The following LINGO2 variants were observed in gnomAD, a reference collection of about 807,000 sequenced individuals.
LINGO2 encodes the protein leucine-rich repeat and immunoglobulin-like domain-containing nogo receptor-interacting protein 2.
In LINGO2, 14 loss-of-function variants were observed where a neutral mutation model predicts 30.6. The ratio of observed to expected loss-of-function variants is 0.46; its 90% CI spans 0.30 to 0.72. The LOEUF is 0.72. Ranked by LOEUF, LINGO2 falls within the 30% of genes least tolerant of loss-of-function variation. LINGO2 has a pLI of 0.07. For synonymous variants in LINGO2, 317 were observed against 288.5 expected, an observed-to-expected ratio of 1.10 and a Z score of -1.00; for missense variants, 729 against 751.7, an observed-to-expected ratio of 0.97 and a Z score of 0.35.
chr9:28,587,245 T>G (rs952159695), intron 1 of LINGO2, among the ~76,000 whole-genome samples: 2 of 152,042 alleles, frequency 1.3e-5, no homozygotes, highest in African/African-American at 4.8e-5. Flanking sequence ...AGTTCTGCTG[T>G]GCTAACTCAG....
the LINGO2 span, among the ~76,000 whole-genome samples, chr9:28,824,967 T>C: frequency 6.6e-6 from 1 of 152,202 alleles, no homozygotes; most frequent in African/African-American, 2.4e-5. Flanking sequence ...GTTATGAGGG[T>C]GAATGAGAGA....
the LINGO2 span, among the ~76,000 whole-genome samples, chr9:29,162,897 C>A: frequency 2.0e-5 from 3 of 152,090 alleles, no homozygotes; most frequent in African/African-American, 2.4e-5. Context: ...TTTCACTGCA[C>A]CTTGGGTTTC....
chr9:29,038,642 A>G, the LINGO2 span, among the ~76,000 whole-genome samples: 1 of 149,176 alleles, frequency 6.7e-6, no homozygotes, highest in South Asian at 2.1e-4. Context: ...CAATGGCACA[A>G]GAGAATTAAT....
chr9:29,207,408 T>C, the LINGO2 span, among the ~76,000 whole-genome samples: 2 of 152,070 alleles, frequency 1.3e-5, no homozygotes, highest in Admixed American at 6.5e-5. Context: ...AGTTACATTA[T>C]AATAGAATGA....
chr9:28,553,931 T>C (rs909298822), intron 1 of LINGO2, among the ~76,000 whole-genome samples: 1 of 151,928 alleles, frequency 6.6e-6, no homozygotes, highest in Non-Finnish European at 1.5e-5. Flanking sequence ...TAAAATACTT[T>C]ACAGACAAGC....
the LINGO2 span, among the ~76,000 whole-genome samples, chr9:28,755,243 A>G: frequency 1.4e-4 from 22 of 152,070 alleles, no homozygotes; most frequent in African/African-American, 5.1e-4. Context: ...TACAAATAAA[A>G]CAAATTATTA....
At chr9:28,883,628 G>GTGTGTATGTGTATA in the LINGO2 span, among the ~76,000 whole-genome samples, 10 of 64,180 alleles carry the variant, frequency 1.6e-4, no homozygotes, top group South Asian at 6.4e-4. Flanking sequence ...ATGTGTGTGT[G>GTGTGTATGTGTATA]TATATATATA....
At chr9:28,474,403 A>G (rs937557433) in intron 2 of LINGO2, among the ~76,000 whole-genome samples, 20 of 43,406 alleles carry the variant, frequency 4.6e-4, no homozygotes, top group African/African-American at 1.1e-3. Flanking sequence ...AAGAAAAAAG[A>G]AGAGACATAA....
the LINGO2 span, among the ~76,000 whole-genome samples, chr9:29,008,057 C>G: frequency 3.3e-5 from 5 of 152,044 alleles, no homozygotes; most frequent in Non-Finnish European, 7.3e-5. Flanking sequence ...GGTATATCTC[C>G]TAATGCTATC....
chr9:28,397,827 G>A (rs529142049), intron 2 of LINGO2, among the ~76,000 whole-genome samples: 10 of 152,110 alleles, frequency 6.6e-5, no homozygotes, highest in African/African-American at 1.2e-4. Flanking sequence ...GATTACAGGC[G>A]TGAGCCACCA....
In LINGO2 at chr9:28,129,892, T is replaced by C. The variant is rs1178756788; in HGVS notation, c.-86-117487A>G. Reference sequence around the variant, plus strand: ...TGCATAGAAAAAATATGTTGTTCTTTTTATAGAATGAGAAATAACTAAGAT... The same window carrying C: ...TGCATAGAAAAAATATGTTGTTCTTCTTATAGAATGAGAAATAACTAAGAT... On this transcript the variant is annotated intron_variant, in intron 4 of 5. Coordinates refer to ENST00000379992, the Ensembl canonical transcript of LINGO2. This position sits in a 1 kb window ranked among gnomAD's most constrained non-coding sequence, Gnocchi z 4.0. Among the ~76,000 whole-genome samples the C allele has an allele frequency of 1.3e-5, 2 of 152,252 alleles. No individual in the cohort carries two copies. Among genetic ancestry groups the C allele is most frequent in the Admixed American group, 1.3e-4 (2 of 15,284 alleles).
intron 4 of LINGO2, among the ~76,000 whole-genome samples, chr9:28,253,616 C>G (rs1444603522): frequency 1.3e-5 from 2 of 152,060 alleles, no homozygotes; most frequent in Non-Finnish European, 2.9e-5. Flanking sequence ...AGTCTTTTCT[C>G]AGATTTGAAT....
chr9:29,038,449 G>GT, the LINGO2 span, among the ~76,000 whole-genome samples: 1 of 151,972 alleles, frequency 6.6e-6, no homozygotes, highest in East Asian at 1.9e-4. Context: ...TAATGACTGA[G>GT]TAAGTTTCCA....
At chr9:28,204,151 G>T (rs1207342511) in intron 4 of LINGO2, among the ~76,000 whole-genome samples, 1 of 152,144 alleles carries the variant, frequency 6.6e-6, no homozygotes, top group Admixed American at 6.5e-5. Context: ...TTGTCACTCA[G>T]TTGTAGTTTT....
intron 1 of LINGO2, among the ~76,000 whole-genome samples, chr9:28,619,283 T>C (rs1267618879): frequency 3.9e-5 from 6 of 152,154 alleles, no homozygotes; most frequent in East Asian, 1.9e-4. Flanking sequence ...AAGACTACCA[T>C]ATTTAACTTT....
intron 4 of LINGO2, among the ~76,000 whole-genome samples, chr9:28,271,782 A>G (rs1210538097): frequency 6.6e-6 from 1 of 152,198 alleles, no homozygotes; most frequent in Non-Finnish European, 1.5e-5. Flanking sequence ...GACATCTCCA[A>G]AAATAGCCTC....
intron 1 of LINGO2, among the ~76,000 whole-genome samples, chr9:28,611,617 T>C (rs1157837968): frequency 2.6e-5 from 4 of 152,128 alleles, no homozygotes; most frequent in Non-Finnish European, 4.4e-5. Context: ...TTAGATTTCA[T>C]ATATAAGTAG....
chr9:28,794,682 T>C, the LINGO2 span, among the ~76,000 whole-genome samples: 2 of 152,192 alleles, frequency 1.3e-5, no homozygotes, highest in African/African-American at 4.8e-5. Context: ...GAAGTGTAAT[T>C]AGAAAACTCT....
At chr9:28,900,279 G>A in the LINGO2 span, among the ~76,000 whole-genome samples, 1 of 152,134 alleles carries the variant, frequency 6.6e-6, no homozygotes, top group Non-Finnish European at 1.5e-5. Context: ...GTAAATCCTC[G>A]TATCAGGCCA....
Sources: gnomAD v4.1 joint callset for allele counts (sites outside exome capture counted in the v4.1 genomes callset) on GRCh38, gnomAD v4.1.1 for gene constraint, Gnocchi (gnomAD v3.1) non-coding constraint, MANE v1.5 for transcripts, NCBI Gene and HGNC (gene_info 2026-07-23, HGNC 2026-07-21) for gene names.